The following PRDM7 variants were observed in gnomAD, a reference collection of about 807,000 sequenced individuals.
PRDM7 encodes the protein histone-lysine N-methyltransferase PRDM7.
A neutral mutation model predicts 64.3 loss-of-function variants in PRDM7; 52 were observed. The observed-to-expected ratio is 0.81, with a 90% CI of 0.65 to 1.02. The LOEUF (loss-of-function observed/expected upper bound fraction) is 1.02, where lower values mean the gene tolerates loss of function less well. Ranked by LOEUF, PRDM7 falls within the 50% of genes least tolerant of loss-of-function variation. The probability of loss-of-function intolerance (pLI) is 0.00; values close to 1 mark genes in which losing one functional copy is unlikely to be tolerated. For synonymous variants in PRDM7, 192 were observed against 210.1 expected (o/e 0.91, Z 0.74); for missense variants, 574 against 597.1 (o/e 0.96, Z 0.40).
At chr16:90,067,572 G>C (rs1221035382) in intron 4 of PRDM7, among the ~76,000 whole-genome samples, 4 of 148,832 alleles carry the variant, frequency 2.7e-5, no homozygotes, top group African/African-American at 1.0e-4. Context: ...ACGTAAAAAG[G>C]TCATATAAGA....
At chr16:90,065,221 G>A (rs1284687355) in intron 5 of PRDM7, among the ~76,000 whole-genome samples, 1 of 147,304 alleles carries the variant, frequency 6.8e-6, no homozygotes, top group Admixed American at 6.7e-5. Flanking sequence ...GGCCAACCCT[G>A]TCTCTACAAA....
At chr16:90,068,256 G>A in intron 4 of PRDM7, among the ~76,000 whole-genome samples, 1 of 148,374 alleles carries the variant, frequency 6.7e-6, no homozygotes, top group East Asian at 2.0e-4. Flanking sequence ...TCCAGCTTGG[G>A]CGACAGAGCG....
intron 4 of PRDM7, among the ~76,000 whole-genome samples, chr16:90,067,960 A>G (rs2037902584): frequency 6.6e-6 from 1 of 151,362 alleles, no homozygotes; most frequent in Non-Finnish European, 1.5e-5. Context: ...GTCATAAACA[A>G]GGTAAGGATT....
At chr16:90,071,602 C>T (rs944104399) in intron 4 of PRDM7, among the ~76,000 whole-genome samples, 6 of 47,308 alleles carry the variant, frequency 1.3e-4, no homozygotes, top group African/African-American at 2.4e-4. Context: ...CCCAACTCAT[C>T]CTTTTCATCG....
At position 90,062,398 on chromosome 16, in the gene PRDM7, C is replaced by A. The variant is rs371288518; in HGVS notation, c.610+3G>T. On this transcript the variant is annotated splice_donor_region_variant and intron_variant, in intron 7 of 10. Transcript: ENST00000449207. ...TGTGTGAGTGGCTGAAAGGGTCACT[C>A]ACAGAGGTAGTCATCATCCTGTGGC... 5 of 1,613,866 alleles carry A rather than the reference C, an allele frequency of 3.1e-6. No homozygotes were observed. In the African/African-American group the frequency reaches 5.3e-5, roughly 17 times the overall value.
intron 5 of PRDM7, among the ~76,000 whole-genome samples, chr16:90,065,405 A>AG (rs1389461313): frequency 1.7e-4 from 26 of 148,836 alleles, no homozygotes; most frequent in African/African-American, 6.3e-4. Flanking sequence ...AAAAAAAAAA[A>AG]AAAAAAGAAA....
chr16:90,058,867 G>C (rs1177172810), intron 10 of PRDM7, among the ~76,000 whole-genome samples: 4 of 152,148 alleles, frequency 2.6e-5, no homozygotes, highest in Non-Finnish European at 5.9e-5. Context: ...TCCAAGTCCT[G>C]TAAAGCCTTC....
Position 90,075,556 on chromosome 16 carries a change from T to C in PRDM7, c.70-82A>G. 2 of 1,603,026 alleles carry C rather than the reference T, an allele frequency of 1.2e-6. No individual in the cohort carries two copies. Among genetic ancestry groups the C allele is most frequent in the Non-Finnish European group, 1.7e-6 (2 of 1,170,448 alleles). Reference sequence around the variant, plus strand: ...TTTCCTCTACCCTGCGTGTAGGGCATAGCCTGGGGCCTCTGGGAGTCTCTG... The same window carrying C: ...TTTCCTCTACCCTGCGTGTAGGGCACAGCCTGGGGCCTCTGGGAGTCTCTG... On this transcript the variant is annotated intron_variant, in intron 2 of 10. Transcript: ENST00000449207. This position sits in a 1 kb window ranked among gnomAD's most constrained non-coding sequence, Gnocchi z 4.3.
chr16:90,073,400 CA>C, intron 4 of PRDM7, among the ~76,000 whole-genome samples: 1 of 150,420 alleles, frequency 6.6e-6, no homozygotes, highest in African/African-American at 2.4e-5. Flanking sequence ...AAAAGAATGA[CA>C]ATTTTTTTTT....
intron 4 of PRDM7, among the ~76,000 whole-genome samples, chr16:90,074,382 G>C (rs2038005163): frequency 6.6e-6 from 1 of 151,880 alleles, no homozygotes; most frequent in African/African-American, 2.4e-5. Flanking sequence ...TTCGAGACCA[G>C]CCTGGCCAAC....
Position 90,070,042 on chromosome 16 carries a change from C to T in PRDM7, c.302-3132G>A, listed in dbSNP as rs577542271. ...TGCACTCCAGCCGGGGTGACAAGAG[C>T]GAAACTCTGTCTGAAAAAAAAAAAC... On this transcript the variant is annotated intron_variant, in intron 4 of 10. Transcript: ENST00000449207. 15 of 134,858 alleles carry T rather than the reference C, an allele frequency of 1.1e-4. No individual in the cohort carries two copies. In the East Asian group the frequency reaches 1.3e-3, roughly 12 times the overall value. 8.4% of individuals were successfully genotyped at this position (134,858 alleles called of 1,614,324 possible). A position where few individuals can be genotyped will look rare whatever the true frequency, so the allele number is the denominator to read the frequency against.
At position 90,058,482 on chromosome 16, in the gene PRDM7, A is replaced by G. The variant is rs908321412; in HGVS notation, c.1286T>C (p.Val429Ala). Residue 429 changes from valine (V) to alanine (A), a missense_variant, in exon 11 of 11, where the codon GTC becomes GCC. Transcript: ENST00000449207. ...CCACATGTTGACTGAGAAATTTTTG[A>G]CTTGAAAAGGCCAGACAGCATGAGG... is the stretch of plus-strand genomic sequence containing the variant. ...HVPHAVWPFQVKNFSVNMWNA... is the reference protein window; with the variant it reads ...HVPHAVWPFQAKNFSVNMWNA... The G allele has an allele frequency of 6.2e-7, 1 of 1,614,082 alleles. No homozygotes were observed. Among genetic ancestry groups the G allele is most frequent in the Admixed American group, 1.7e-5 (1 of 60,014 alleles).
chr16:90,075,534 C>T lies in PRDM7; in HGVS notation c.70-60G>A. ...TAATACACATCGAGCTGGTCCTTTT[C>T]CTCTACCCTGCGTGTAGGGCATAGC... On this transcript the variant is annotated intron_variant, in intron 2 of 10. Transcript: ENST00000449207. This position sits in a 1 kb window ranked among gnomAD's most constrained non-coding sequence, Gnocchi z 4.3. 2 of 1,613,666 alleles carry T rather than the reference C, an allele frequency of 1.2e-6. No individual in the cohort carries two copies. Among genetic ancestry groups the T allele is most frequent in the African/African-American group, 1.3e-5 (1 of 75,040 alleles).
intron 5 of PRDM7, among the ~76,000 whole-genome samples, chr16:90,064,921 G>A (rs1316098980): frequency 6.6e-6 from 1 of 150,540 alleles, no homozygotes; most frequent in Non-Finnish European, 1.5e-5. Flanking sequence ...GTTTCACCAT[G>A]TTGGCCAAGC....
chr16:90,065,553 G>A (rs1028217212), intron 5 of PRDM7, among the ~76,000 whole-genome samples: 4 of 150,898 alleles, frequency 2.7e-5, no homozygotes, highest in African/African-American at 7.4e-5. Flanking sequence ...TGAGCTACAC[G>A]GCAAAACCCT....
chr16:90,075,537 C>T lies in PRDM7; in HGVS notation c.70-63G>A. 1.2e-6 allele frequency: 2 copies of T among 1,613,224 alleles called. No individual in the cohort carries two copies. Among genetic ancestry groups the T allele is most frequent in the South Asian group, 1.1e-5 (1 of 90,926 alleles). The stretch of plus-strand genomic sequence containing the variant: ...TACACATCGAGCTGGTCCTTTTCCT[C>T]TACCCTGCGTGTAGGGCATAGCCTG... On this transcript the variant is annotated intron_variant, in intron 2 of 10. Transcript: ENST00000449207. This position sits in a 1 kb window ranked among gnomAD's most constrained non-coding sequence, Gnocchi z 4.3.
rs371626009 is a variant in PRDM7, at chr16:90,063,654, C to G, written c.466G>C (p.Gly156Arg). 2 of 1,613,872 alleles carry G rather than the reference C, an allele frequency of 1.2e-6. No homozygotes were observed. Among genetic ancestry groups the G allele is most frequent in the African/African-American group, 1.3e-5 (1 of 74,888 alleles). Residue 156 changes from glycine (G) to arginine (R), a missense_variant, in exon 6 of 11, where the codon GGA becomes CGA. By Grantham distance (125) the Gly-to-Arg change is moderately radical. Transcript: ENST00000449207. ...TGCTGTCCAGAGGTACTTGCTTCTC[C>G]AGGAGGGGACACTGGTTTCTGAGCC... Reference protein sequence around the residue: ...EQAQKPVSPPGEASTSGQHSR... With the variant: ...EQAQKPVSPPREASTSGQHSR...
Position 90,061,844 on chromosome 16 carries a change from G to A in PRDM7, c.882+77C>T, listed in dbSNP as rs567251155. On this transcript the variant is annotated intron_variant, in intron 8 of 10. Transcript: ENST00000449207. ...GTTATCCCTACCTATATCCTAACAT[G>A]TAGAAGGTGATGTCCCATCAAAGGC... is the stretch of plus-strand genomic sequence containing the variant. The A allele has an allele frequency of 4.8e-5, 77 of 1,593,098 alleles. No individual in the cohort carries two copies. The Middle Eastern group carries it at 1.0e-3, about 21-fold the overall frequency.
intron 5 of PRDM7, among the ~76,000 whole-genome samples, chr16:90,064,454 C>T (rs943903018): frequency 1.3e-5 from 2 of 152,132 alleles, no homozygotes; most frequent in Admixed American, 1.3e-4. Context: ...TGCTCTGTTG[C>T]CTAGGCTGGA....
Sources: allele counts gnomAD v4.1 joint callset (sites outside exome capture counted in the v4.1 genomes callset), GRCh38; gene constraint gnomAD v4.1.1; non-coding constraint Gnocchi (gnomAD v3.1); transcripts MANE v1.5; gene names NCBI Gene and HGNC (gene_info 2026-07-23, HGNC 2026-07-21).